The following NRG1 variants were observed in gnomAD, a reference collection of about 807,000 sequenced individuals.
NRG1 encodes pro-neuregulin-1, membrane-bound isoform.
In NRG1, 18 loss-of-function variants were observed where a neutral mutation model predicts 63.8. The observed-to-expected ratio is 0.28, with a 90% CI of 0.19 to 0.42. NRG1 has a LOEUF of 0.42. Among genes scored for constraint, NRG1 ranks in the 10% least tolerant of loss-of-function variants. The pLI is 1.00. For missense variants in NRG1, 762 were observed against 814.7 expected (o/e 0.94, Z 0.79); for synonymous variants, 302 against 301.3 (o/e 1.00, Z -0.02).
chr8:32,739,151 G>A (rs79572378), intron 6 of NRG1, among the ~76,000 whole-genome samples: 7,747 of 152,240 alleles, frequency 0.051, 247 homozygotes, highest in Middle Eastern at 0.095. Flanking sequence ...GCGTGTCCAT[G>A]TGCAAACAGC....
intron 1 of NRG1, among the ~76,000 whole-genome samples, chr8:32,482,675 C>T (rs903080164): frequency 8.6e-5 from 13 of 152,030 alleles, no homozygotes; most frequent in African/African-American, 3.1e-4. Context: ...ACAGGAGGAA[C>T]AGGGGACGGG....
chr8:32,044,490 A>G (rs1394333477), intron 1 of NRG1, among the ~76,000 whole-genome samples: 3 of 151,902 alleles, frequency 2.0e-5, no homozygotes, highest in South Asian at 2.1e-4. Flanking sequence ...CTCCAAAACA[A>G]TAGAATAGGC....
intron 1 of NRG1, among the ~76,000 whole-genome samples, chr8:31,934,918 T>C (rs552218100): frequency 6.6e-6 from 1 of 152,232 alleles, no homozygotes; most frequent in East Asian, 1.9e-4. Flanking sequence ...TGAATGAAAA[T>C]ATCTTGACAA....
chr8:32,444,938 A>T (rs1452673398), intron 1 of NRG1, among the ~76,000 whole-genome samples: 1 of 152,224 alleles, frequency 6.6e-6, no homozygotes, highest in East Asian at 1.9e-4. Context: ...GAGCAAGATC[A>T]AACAAAACAG....
At chr8:31,695,622 G>T (rs1431254649) in intron 1 of NRG1, among the ~76,000 whole-genome samples, 2 of 152,290 alleles carry the variant, frequency 1.3e-5, no homozygotes, top group Admixed American at 1.3e-4. Context: ...ATGAGATTTG[G>T]GTAGGGACAC....
intron 1 of NRG1, among the ~76,000 whole-genome samples, chr8:31,856,928 G>A (rs1585297619): frequency 1.3e-5 from 2 of 152,164 alleles, no homozygotes; most frequent in African/African-American, 4.8e-5. Context: ...GCTGCTCGGG[G>A]GTCAGGTGTC....
intron 1 of NRG1, among the ~76,000 whole-genome samples, chr8:31,928,713 T>A (rs1360145600): frequency 6.6e-6 from 1 of 152,014 alleles, no homozygotes; most frequent in Admixed American, 6.6e-5. Context: ...TGAAATAATA[T>A]CTTTTGCAGC....
In NRG1 at chr8:32,344,602, A is replaced by ATTTTTTTTTTT. The variant is rs61448713; in HGVS notation, c.38-251212_38-251202dup. 1.0e-3 allele frequency among the ~76,000 whole-genome samples: 106 copies of ATTTTTTTTTTT among 101,156 alleles called. 1 individual carries two copies. The highest frequency in any genetic ancestry group is 1.9e-3 in the African/African-American group (46 of 23,918). The allele number at this position is 101,156 out of a possible 152,430, so 66.4% of individuals were successfully genotyped here. A position where few individuals can be genotyped will look rare whatever the true frequency, so the allele number is the denominator to read the frequency against. ...CAGGCACATGTCACTACACTCAGCTATTTTTTTTTTTTTTTTTTTTTTTTG... is the reference window on the plus strand; with the variant it reads ...CAGGCACATGTCACTACACTCAGCTATTTTTTTTTTTTTTTTTTTTTTTTTTTTTTTTTTTG... On this transcript the variant is annotated intron_variant, in intron 1 of 10. Transcript: ENST00000519301.
At chr8:31,994,419 G>A (rs915427130) in intron 1 of NRG1, among the ~76,000 whole-genome samples, 4 of 151,812 alleles carry the variant, frequency 2.6e-5, no homozygotes, top group Non-Finnish European at 1.5e-5. Flanking sequence ...TTGGGAAGCC[G>A]AGGTGGGAGG....
chr8:32,589,863 T>C (rs1490527238), intron 1 of NRG1, among the ~76,000 whole-genome samples: 3 of 152,226 alleles, frequency 2.0e-5, no homozygotes, highest in African/African-American at 7.2e-5. Context: ...TTACCACAAG[T>C]ATTTTTTCAC....
intron 1 of NRG1, among the ~76,000 whole-genome samples, chr8:31,959,790 ATTTATTATTTATTTATTTATTTAT>A (rs1410613717): frequency 2.3e-5 from 3 of 130,196 alleles, no homozygotes; most frequent in African/African-American, 9.1e-5. Context: ...TTATTTATTT[ATTTATTATTTATTTATTTATTTAT>A]TTATTTATTT....
chr8:32,544,963 A>T (rs1409485970), upstream of NRG1, among the ~76,000 whole-genome samples: 1 of 151,930 alleles, frequency 6.6e-6, no homozygotes, highest in Non-Finnish European at 1.5e-5. Flanking sequence ...TGCAGTTTTT[A>T]AAAAAGTAAT....
chr8:31,787,175 G>C (rs1464869861), intron 1 of NRG1, among the ~76,000 whole-genome samples: 2 of 152,160 alleles, frequency 1.3e-5, no homozygotes, highest in African/African-American at 2.4e-5. Flanking sequence ...TATTTCAGTA[G>C]TAAGAAAAAT....
At chr8:32,237,350 C>T (rs1847670336) in intron 1 of NRG1, among the ~76,000 whole-genome samples, 1 of 152,142 alleles carries the variant, frequency 6.6e-6, no homozygotes, top group South Asian at 2.1e-4. Flanking sequence ...CCCTGCATTG[C>T]TATAATTTCC....
intron 5 of NRG1, among the ~76,000 whole-genome samples, chr8:32,673,999 A>G (rs973676553): frequency 2.6e-5 from 4 of 152,196 alleles, no homozygotes; most frequent in African/African-American, 9.6e-5. Context: ...GACTCATTTT[A>G]ATTTATTTCA....
chr8:32,559,804 G>A, intron 1 of NRG1, among the ~76,000 whole-genome samples: 1 of 149,236 alleles, frequency 6.7e-6, no homozygotes, highest in African/African-American at 2.4e-5. Flanking sequence ...AGACCAGCCT[G>A]GGCAACATGG....
intron 1 of NRG1, among the ~76,000 whole-genome samples, chr8:32,308,358 T>C (rs1261903913): frequency 3.3e-5 from 5 of 152,230 alleles, no homozygotes; most frequent in Non-Finnish European, 7.3e-5. Context: ...TATCTGAATT[T>C]ACTGATTGTT....
chr8:32,156,873 G>A (rs6990772), intron 1 of NRG1, among the ~76,000 whole-genome samples: 13,265 of 152,144 alleles, frequency 0.087, 1,356 homozygotes, highest in African/African-American at 0.25. Context: ...GAGGCTGAAG[G>A]CTTCAGTGAG....
intron 1 of NRG1, among the ~76,000 whole-genome samples, chr8:32,261,363 G>GTGTT (rs1554490966): frequency 7.6e-6 from 1 of 132,208 alleles, no homozygotes; most frequent in Admixed American, 7.2e-5. Flanking sequence ...CTATTAGTGT[G>GTGTT]TGTGTGTGTG....
Sources: allele counts gnomAD v4.1 joint callset (sites outside exome capture counted in the v4.1 genomes callset), GRCh38; gene constraint gnomAD v4.1.1; transcripts MANE v1.5; gene names NCBI Gene and HGNC (gene_info 2026-07-23, HGNC 2026-07-21).